Variants in FAR2 observed in about 807,000 individuals in gnomAD.
The protein encoded by FAR2 is fatty acyl-CoA reductase 2.
FAR2 carries 19 observed loss-of-function variants against 56.0 expected under a neutral mutation model. That is an observed-to-expected ratio of 0.34 (90% CI 0.24 to 0.50). The LOEUF is 0.50. Among genes scored for constraint, FAR2 ranks in the 20% least tolerant of loss-of-function variants. The pLI, the probability that FAR2 is intolerant of heterozygous loss-of-function variation, is 0.98. For missense variants in FAR2, 508 were observed against 642.2 expected (o/e 0.79, Z 2.26); for synonymous variants, 219 against 218.8 (o/e 1.00, Z -0.01).
rs1402478357 is a variant in FAR2, at chr12:29,333,940, T to C, written c.*146T>C. 3.0e-6 allele frequency: 2 copies of C among 659,908 alleles called. No homozygotes were observed. Among genetic ancestry groups the C allele is most frequent in the African/African-American group, 1.8e-5 (1 of 54,370 alleles). 40.9% of individuals were successfully genotyped at this position (659,908 alleles called of 1,614,324 possible). On this transcript the variant is annotated 3_prime_UTR_variant, in exon 12 of 12. Coordinates refer to ENST00000536681, the MANE Select transcript of FAR2 (RefSeq NM_001271783.2). ...TGTATTCGTCCCTATTCCTTAACTA[T>C]GTATTTTTATTTCAGTGAGAGAAGG... is the stretch of plus-strand genomic sequence containing the variant.
intron 2 of FAR2, among the ~76,000 whole-genome samples, chr12:29,289,759 C>T (rs1048781158): frequency 1.3e-5 from 2 of 152,120 alleles, no homozygotes; most frequent in Non-Finnish European, 2.9e-5. Context: ...AGACAAGCCA[C>T]AGAATGGGGG....
chr12:29,319,954 C>A (rs1949525111), intron 9 of FAR2, among the ~76,000 whole-genome samples: 1 of 152,164 alleles, frequency 6.6e-6, no homozygotes. Context: ...GTAACCCCAG[C>A]AATTTTGGAG....
intron 1 of FAR2, among the ~76,000 whole-genome samples, chr12:29,154,046 G>A (rs1949702806): frequency 6.6e-6 from 1 of 152,146 alleles, no homozygotes; most frequent in Non-Finnish European, 1.5e-5. Flanking sequence ...TCTACTGTTT[G>A]AATGATTTTT....
Position 29,309,107 on chromosome 12 carries a change from TTAAGA to T in FAR2, c.724-77_724-73del. 4.1e-6 allele frequency: 4 copies of T among 977,038 alleles called. No homozygotes were observed. In the South Asian group the frequency reaches 5.3e-5, roughly 13 times the overall value. 60.5% of individuals were successfully genotyped at this position (977,038 alleles called of 1,614,324 possible). A position where few individuals can be genotyped will look rare whatever the true frequency, so the allele number is the denominator to read the frequency against. ...TCTCAGTGCTCTTGTTTGAAATTTA[TTAAGA>T]TTAGACTGCAGATGTTCCAAAGATA... On this transcript the variant is annotated intron_variant, in intron 5 of 11. Coordinates refer to ENST00000536681, the MANE Select transcript of FAR2 (RefSeq NM_001271783.2).
chr12:29,162,297 A>G (rs957291823), intron 1 of FAR2, among the ~76,000 whole-genome samples: 1 of 152,222 alleles, frequency 6.6e-6, no homozygotes, highest in East Asian at 1.9e-4. Flanking sequence ...TTCCATGTGG[A>G]TATTCAATTG....
intron 1 of FAR2, among the ~76,000 whole-genome samples, chr12:29,205,108 T>C (rs966915175): frequency 9.2e-5 from 14 of 152,218 alleles, no homozygotes; most frequent in Non-Finnish European, 2.1e-4. Context: ...CATTGTTGCT[T>C]TCATGGAGAA....
At chr12:29,297,641 T>G (rs1357513836) in intron 4 of FAR2, among the ~76,000 whole-genome samples, 1 of 152,198 alleles carries the variant, frequency 6.6e-6, no homozygotes, top group African/African-American at 2.4e-5. Context: ...CCCCAAGTCC[T>G]TCATTTGTAA....
At chr12:29,222,734 A>C (rs1264197588) in intron 1 of FAR2, among the ~76,000 whole-genome samples, 3 of 152,158 alleles carry the variant, frequency 2.0e-5, no homozygotes, top group African/African-American at 4.8e-5. Context: ...AGCCTGACTA[A>C]AGTTGGGTCA....
intron 1 of FAR2, among the ~76,000 whole-genome samples, chr12:29,153,933 C>G (rs1189591811): frequency 6.6e-6 from 1 of 152,084 alleles, no homozygotes; most frequent in East Asian, 1.9e-4. Context: ...AAAAATAAAA[C>G]AAAAACTGAT....
At chr12:29,234,060 T>G (rs951615001) in intron 1 of FAR2, among the ~76,000 whole-genome samples, 3 of 152,172 alleles carry the variant, frequency 2.0e-5, no homozygotes, top group African/African-American at 7.2e-5. Flanking sequence ...CTCCTCTATG[T>G]TCAGTCTTTC....
At chr12:29,151,049 C>G (rs972765483) in intron 1 of FAR2, among the ~76,000 whole-genome samples, 1 of 152,204 alleles carries the variant, frequency 6.6e-6, no homozygotes, top group African/African-American at 2.4e-5. Flanking sequence ...AGCATATGAT[C>G]ATCTTGACCA....
intron 4 of FAR2, among the ~76,000 whole-genome samples, 161 bp downstream of exon 4, chr12:29,297,361 G>A (rs1949088519): frequency 6.6e-6 from 1 of 152,190 alleles, no homozygotes; most frequent in Admixed American, 6.5e-5. Context: ...GCTAGTTCTG[G>A]TGGGGAATAT....
At chr12:29,289,296 C>T (rs1989478) in intron 2 of FAR2, among the ~76,000 whole-genome samples, 51,152 of 151,998 alleles carry the variant, frequency 0.34, 8,790 homozygotes, top group East Asian at 0.42. Flanking sequence ...TCAAATTATA[C>T]TACAAAGCTA....
Position 29,321,857 on chromosome 12 carries a change from G to A in FAR2, c.1190G>A (p.Arg397Gln), listed in dbSNP as rs1023732880. 1.7e-5 allele frequency: 28 copies of A among 1,613,726 alleles called. No individual in the cohort carries two copies. The highest frequency in any genetic ancestry group is 1.6e-4 in the Middle Eastern group (1 of 6,082). ...TVSMLEYFIN[R>Q]SWEWSTYNTE... ...TCCATGTTGGAGTATTTCATCAACC[G>A]GAGTTGGGAATGGAGCACGTACAAT... Residue 397 changes from arginine (R) to glutamine (Q), a missense_variant, in exon 10 of 12, where the codon CGG becomes CAG. Coordinates refer to ENST00000536681, the MANE Select transcript of FAR2 (RefSeq NM_001271783.2).
chr12:29,171,417 C>A (rs148063188), intron 1 of FAR2: 14 of 152,466 alleles, frequency 9.2e-5, no homozygotes, highest in African/African-American at 3.1e-4. Flanking sequence ...GCTGCTGCCC[C>A]ATCTGGGAAG....
At position 29,185,177 on chromosome 12, in the gene FAR2, CTA is replaced by C. The variant is rs550745596; in HGVS notation, c.-39+35772_-39+35773del. 5.3e-5 allele frequency among the ~76,000 whole-genome samples: 8 copies of C among 152,176 alleles called. No homozygotes were observed. The South Asian group carries it at 1.0e-3, about 20-fold the overall frequency. On this transcript the variant is annotated intron_variant, in intron 1 of 11. Coordinates refer to ENST00000536681, the MANE Select transcript of FAR2 (RefSeq NM_001271783.2). ...GGATAATTCATAGATAATTTTAAAT[CTA>C]TGTCAGTTTTTTACTACAAAAGGCA...
At chr12:29,274,349 C>T (rs1029915593) in intron 2 of FAR2, among the ~76,000 whole-genome samples, 3 of 151,892 alleles carry the variant, frequency 2.0e-5, no homozygotes, top group Non-Finnish European at 4.4e-5. Context: ...CAGCTTCATC[C>T]GTGTCCCTAC....
chr12:29,293,553 A>AT (rs1949008572), intron 3 of FAR2, 78 bp downstream of exon 3: 3 of 1,277,636 alleles, frequency 2.3e-6, no homozygotes, highest in Non-Finnish European at 3.1e-6. Flanking sequence ...GTAAAAAAAA[A>AT]GAAATACACT....
intron 1 of FAR2, among the ~76,000 whole-genome samples, chr12:29,182,578 T>G (rs182290874): frequency 4.6e-4 from 70 of 152,314 alleles, no homozygotes; most frequent in African/African-American, 1.7e-3. Flanking sequence ...AGAAAAGTTC[T>G]CCAAGTCCCC....
Sources: allele counts gnomAD v4.1 joint callset (sites outside exome capture counted in the v4.1 genomes callset), GRCh38; gene constraint gnomAD v4.1.1; transcripts MANE v1.5; gene names NCBI Gene and HGNC (gene_info 2026-07-23, HGNC 2026-07-21).